The following GRID2 variants were observed in gnomAD, a reference collection of about 807,000 sequenced individuals.
GRID2 encodes the protein glutamate ionotropic receptor delta type subunit 2.
A neutral mutation model predicts 114.8 loss-of-function variants in GRID2; 33 were observed. That is an observed-to-expected ratio of 0.29 (90% CI 0.22 to 0.38). The LOEUF is 0.38. GRID2 is among the 10% of genes least tolerant of loss of function. The probability of loss-of-function intolerance (pLI) is 1.00; values close to 1 mark genes in which losing one functional copy is unlikely to be tolerated. For missense variants in GRID2, 1,184 were observed against 1,257.7 expected, an observed-to-expected ratio of 0.94 and a Z score of 0.89; for synonymous variants, 505 against 449.9, an observed-to-expected ratio of 1.12 and a Z score of -1.55.
Position 92,304,631 on chromosome 4 carries a change from C to T in GRID2, c.-26C>T. 6.5e-7 allele frequency: 1 copy of T among 1,527,576 alleles called. No homozygotes were observed. Among genetic ancestry groups the T allele is most frequent in the Non-Finnish European group, 9.1e-7 (1 of 1,101,386 alleles). 94.6% of individuals were successfully genotyped at this position (1,527,576 alleles called of 1,614,324 possible). A position where few individuals can be genotyped will look rare whatever the true frequency, so the allele number is the denominator to read the frequency against. On this transcript the variant is annotated 5_prime_UTR_variant, in exon 1 of 16. Coordinates refer to ENST00000282020, the MANE Select transcript of GRID2 (RefSeq NM_001510.4). ...AAAAAAAATTGGAAGAAAATCCATC[C>T]TCCAAGAGAATCGGCATAGGAGGAG...
At chr4:93,383,516 T>C (rs1764056014) in intron 8 of GRID2, among the ~76,000 whole-genome samples, 2 of 152,150 alleles carry the variant, frequency 1.3e-5, no homozygotes, top group African/African-American at 4.8e-5. Context: ...CCAGAATATT[T>C]ATATCAGATA....
At chr4:92,516,626 T>G (rs938812995) in intron 1 of GRID2, among the ~76,000 whole-genome samples, 2 of 151,896 alleles carry the variant, frequency 1.3e-5, no homozygotes, top group African/African-American at 4.8e-5. Flanking sequence ...TCCTTAATGC[T>G]GTGACACGTC....
chr4:93,300,908 G>A (rs770882546), intron 8 of GRID2, among the ~76,000 whole-genome samples: 1 of 152,214 alleles, frequency 6.6e-6, no homozygotes, highest in Non-Finnish European at 1.5e-5. Context: ...ACAGAACAGG[G>A]CAGGGAGTTT....
At chr4:92,440,070 C>T (rs914289331) in intron 1 of GRID2, among the ~76,000 whole-genome samples, 10 of 146,162 alleles carry the variant, frequency 6.8e-5, no homozygotes, top group Admixed American at 2.7e-4. Context: ...ATGGGCTGTA[C>T]CCTGTAGCAT....
At chr4:93,276,985 G>T (rs1752122948) in intron 8 of GRID2, among the ~76,000 whole-genome samples, 2 of 151,728 alleles carry the variant, frequency 1.3e-5, no homozygotes, top group African/African-American at 4.8e-5. Flanking sequence ...AAGCAAAATG[G>T]ATTTAAGAAG....
At chr4:92,502,243 A>C (rs531692658) in intron 1 of GRID2, among the ~76,000 whole-genome samples, 5 of 152,148 alleles carry the variant, frequency 3.3e-5, no homozygotes, top group Non-Finnish European at 7.4e-5. Context: ...TTAATGTTAG[A>C]AAGAAAAACA....
intron 2 of GRID2, among the ~76,000 whole-genome samples, chr4:92,798,102 T>A (rs530412392): frequency 6.6e-6 from 1 of 152,018 alleles, no homozygotes; most frequent in Non-Finnish European, 1.5e-5. Flanking sequence ...GTATCATTGT[T>A]TTTAATATTT....
rs145131670 is a variant in GRID2 at position 93,219,113 on chromosome 4, G to A, written c.963+2202G>A. Among the ~76,000 whole-genome samples the A allele has an allele frequency of 8.8e-3, 1,334 of 151,854 alleles. 19 individuals carry two copies. The highest frequency in any genetic ancestry group is 0.031 in the African/African-American group (1,271 of 41,396). On this transcript the variant is annotated intron_variant, in intron 6 of 15. Transcript: ENST00000282020. ...CCATGTTTGCATTTTAACTGGTCAT[G>A]GATATAATTGATGTGAAAATGATAG...
chr4:92,343,114 T>G (rs552361779), intron 1 of GRID2, among the ~76,000 whole-genome samples: 1 of 152,266 alleles, frequency 6.6e-6, no homozygotes, highest in East Asian at 1.9e-4. Flanking sequence ...TTATTTAAGC[T>G]TATTATATTC....
At position 93,200,225 on chromosome 4, in the gene GRID2, A is replaced by G. The variant is rs184264168; in HGVS notation, c.736-7179A>G. ...TTGTCTATTTTGTTTTTAAATAGGG[A>G]TAAAAATAATTAAAAGGAAAGAAGC... On this transcript the variant is annotated intron_variant, in intron 4 of 15. Coordinates refer to ENST00000282020, the MANE Select transcript of GRID2 (RefSeq NM_001510.4). 2.6e-3 allele frequency among the ~76,000 whole-genome samples: 392 copies of G among 152,316 alleles called. 1 individual carries two copies. Among genetic ancestry groups the G allele is most frequent in the African/African-American group, 9.0e-3 (374 of 41,572 alleles).
At chr4:93,301,010 C>A (rs1029450013) in intron 8 of GRID2, among the ~76,000 whole-genome samples, 2 of 152,216 alleles carry the variant, frequency 1.3e-5, no homozygotes, top group Non-Finnish European at 2.9e-5. Flanking sequence ...TTAGGCCAGG[C>A]AGGCCCAGGC....
rs114078180 is a variant in GRID2, at chr4:93,260,695, G to A, written c.1245+22205G>A. The stretch of plus-strand genomic sequence containing the variant: ...TCATGAATGCCAGTTTGTACCCAAC[G>A]TTCATAAATCCTACTGCCTTTTTCA... On this transcript the variant is annotated intron_variant, in intron 8 of 15. Coordinates refer to ENST00000282020, the MANE Select transcript of GRID2 (RefSeq NM_001510.4). Among the ~76,000 whole-genome samples, 826 of 151,824 alleles carry A rather than the reference G, an allele frequency of 5.4e-3. 12 individuals are homozygous for A. Among genetic ancestry groups the A allele is most frequent in the African/African-American group, 0.019 (777 of 41,474 alleles).
chr4:92,896,939 A>G (rs1035207076), intron 2 of GRID2, among the ~76,000 whole-genome samples: 6 of 152,140 alleles, frequency 3.9e-5, no homozygotes, highest in East Asian at 1.9e-4. Flanking sequence ...ACGGGGTTTC[A>G]TCATGTTTGC....
chr4:92,965,893 A>T (rs761265075), intron 2 of GRID2, among the ~76,000 whole-genome samples: 4 of 151,872 alleles, frequency 2.6e-5, no homozygotes, highest in Non-Finnish European at 5.9e-5. Flanking sequence ...GCCCTCCTCC[A>T]AGTATAGCCA....
intron 1 of GRID2, among the ~76,000 whole-genome samples, chr4:92,530,867 A>G (rs2149150489): frequency 6.6e-6 from 1 of 152,036 alleles, no homozygotes; most frequent in East Asian, 1.9e-4. Flanking sequence ...AGATCATGCC[A>G]CTGCACTCCA....
At chr4:92,456,113 T>C (rs1046354404) in intron 1 of GRID2, among the ~76,000 whole-genome samples, 1 of 151,972 alleles carries the variant, frequency 6.6e-6, no homozygotes, top group African/African-American at 2.4e-5. Flanking sequence ...GTGCTAAAGG[T>C]ATTTCTCAAT....
chr4:92,972,180 C>T (rs946184239), intron 2 of GRID2, among the ~76,000 whole-genome samples: 13 of 150,308 alleles, frequency 8.6e-5, no homozygotes, highest in African/African-American at 2.9e-4. Flanking sequence ...TAAGATTTCT[C>T]TTTTCGCTTC....
rs145226635 is a variant in GRID2 at position 92,488,350 on chromosome 4, G to T, written c.89-101781G>T. Among the ~76,000 whole-genome samples, 322 of 152,218 alleles carry T rather than the reference G, an allele frequency of 2.1e-3. 2 individuals are homozygous for T. The highest frequency in any genetic ancestry group is 7.4e-3 in the African/African-American group (307 of 41,550). On this transcript the variant is annotated intron_variant, in intron 1 of 15. Transcript: ENST00000282020. ...GCAAACAAATAAATCAACTTCCCCAGTATGTCACTTTGAAATAGCAGAGAT... is the reference window on the plus strand; with the variant it reads ...GCAAACAAATAAATCAACTTCCCCATTATGTCACTTTGAAATAGCAGAGAT...
intron 2 of GRID2, among the ~76,000 whole-genome samples, chr4:92,985,808 C>G (rs1425461259): frequency 6.6e-6 from 1 of 152,140 alleles, no homozygotes; most frequent in Non-Finnish European, 1.5e-5. Flanking sequence ...CACAAGTTAT[C>G]TTCCAGAGTT....
Sources: allele counts gnomAD v4.1 joint callset (sites outside exome capture counted in the v4.1 genomes callset), GRCh38; gene constraint gnomAD v4.1.1; transcripts MANE v1.5; gene names NCBI Gene and HGNC (gene_info 2026-07-23, HGNC 2026-07-21).